GABRB2: variants seen among roughly 807,000 people sequenced by gnomAD.
GABRB2 encodes gamma-aminobutyric acid type A receptor subunit beta2, also known as gamma-aminobutyric acid receptor subunit beta-2.
A neutral mutation model predicts 54.7 loss-of-function variants in GABRB2; 16 were observed. The ratio of observed to expected loss-of-function variants is 0.29; its 90% CI spans 0.20 to 0.44. The LOEUF is 0.44. Among genes scored for constraint, GABRB2 ranks in the 20% least tolerant of loss-of-function variants. The probability of loss-of-function intolerance (pLI) is 1.00; values close to 1 mark genes in which losing one functional copy is unlikely to be tolerated. For synonymous variants in GABRB2, 244 were observed against 233.8 expected, an observed-to-expected ratio of 1.04 and a Z score of -0.40; for missense variants, 355 against 644.0, an observed-to-expected ratio of 0.55 and a Z score of 4.86.
chr5:161,405,499 C>A (rs1192566336), intron 5 of GABRB2, among the ~76,000 whole-genome samples: 1 of 151,978 alleles, frequency 6.6e-6, no homozygotes, highest in East Asian at 1.9e-4. Flanking sequence ...GCTAAGTGAC[C>A]TGTTTAGCTA....
chr5:161,535,416 A>T (rs986484529), intron 3 of GABRB2, among the ~76,000 whole-genome samples: 3 of 152,160 alleles, frequency 2.0e-5, no homozygotes, highest in Non-Finnish European at 4.4e-5. Context: ...TTGAGGAAGG[A>T]TTAGTTTATT....
chr5:161,341,664 C>G (rs554904953), intron 5 of GABRB2, among the ~76,000 whole-genome samples: 1 of 151,510 alleles, frequency 6.6e-6, no homozygotes, highest in Non-Finnish European at 1.5e-5. Context: ...TATATGTGAT[C>G]TAAGAAATAG....
At chr5:161,507,225 T>TA (rs1759633257) in intron 3 of GABRB2, among the ~76,000 whole-genome samples, 1 of 151,988 alleles carries the variant, frequency 6.6e-6, no homozygotes. Flanking sequence ...CTGGATAGGG[T>TA]ACTGGATTGG....
chr5:161,545,125 C>T lies in GABRB2; in HGVS notation c.237+102G>A, dbSNP rs566610156. The T allele has an allele frequency of 9.1e-6, 7 of 770,752 alleles. No individual in the cohort carries two copies. In the East Asian group the frequency reaches 2.1e-4, roughly 23 times the overall value. The allele number at this position is 770,752 out of a possible 1,614,324, so 47.7% of individuals were successfully genotyped here. On this transcript the variant is annotated intron_variant, in intron 3 of 9. Transcript: ENST00000393959. ...TCCATGCTCTCACCCCCACCTCATA[C>T]ACATAGCCAAGCACACCCCCACCCC...
chr5:161,534,871 T>C (rs371013837), intron 3 of GABRB2, among the ~76,000 whole-genome samples: 1 of 152,078 alleles, frequency 6.6e-6, no homozygotes, highest in Non-Finnish European at 1.5e-5. Flanking sequence ...TCAGTAAGCA[T>C]AAAAATTCAT....
chr5:161,525,427 A>C (rs1049794131), intron 3 of GABRB2, among the ~76,000 whole-genome samples: 2 of 151,356 alleles, frequency 1.3e-5, no homozygotes, highest in African/African-American at 4.8e-5. Context: ...TTCAATTGTA[A>C]TTTAGTAAGC....
intron 9 of GABRB2, among the ~76,000 whole-genome samples, chr5:161,312,609 C>T (rs1025385864): frequency 6.6e-6 from 1 of 152,170 alleles, no homozygotes; most frequent in Non-Finnish European, 1.5e-5. Context: ...TTACTTTTCT[C>T]TGGGCCTCAA....
intron 4 of GABRB2, among the ~76,000 whole-genome samples, chr5:161,414,054 G>C (rs1306807027): frequency 6.6e-6 from 1 of 152,150 alleles, no homozygotes; most frequent in Non-Finnish European, 1.5e-5. Flanking sequence ...TTCCTATTTA[G>C]TCCAGCATTT....
chr5:161,467,466 A>T (rs955794260), intron 3 of GABRB2, among the ~76,000 whole-genome samples: 2 of 152,128 alleles, frequency 1.3e-5, no homozygotes, highest in African/African-American at 4.8e-5. Context: ...GGAAACTACA[A>T]GAGCAAGTGT....
chr5:161,488,936 A>C (rs918068551), intron 3 of GABRB2, among the ~76,000 whole-genome samples: 7 of 151,790 alleles, frequency 4.6e-5, no homozygotes, highest in African/African-American at 1.7e-4. Context: ...ATGATTTTTT[A>C]CATTATGTTA....
intron 4 of GABRB2, among the ~76,000 whole-genome samples, chr5:161,455,128 G>T (rs1003925254): frequency 6.6e-6 from 1 of 152,194 alleles, no homozygotes; most frequent in Non-Finnish European, 1.5e-5. Context: ...TGGTGTGCAT[G>T]CTTAAATTTC....
intron 4 of GABRB2, among the ~76,000 whole-genome samples, chr5:161,443,890 T>C (rs1757535663): frequency 1.3e-5 from 2 of 152,144 alleles, no homozygotes; most frequent in African/African-American, 4.8e-5. Context: ...ATCATCTTAG[T>C]GTATCAGTAA....
chr5:161,324,753 G>T (rs1056974500), intron 9 of GABRB2, among the ~76,000 whole-genome samples: 3 of 151,924 alleles, frequency 2.0e-5, no homozygotes, highest in African/African-American at 7.2e-5. Context: ...CTTAAAAGAG[G>T]ACTTAAAGGA....
At chr5:161,414,706 A>C (rs979693601) in intron 4 of GABRB2, among the ~76,000 whole-genome samples, 11 of 151,968 alleles carry the variant, frequency 7.2e-5, no homozygotes, top group African/African-American at 1.2e-4. Flanking sequence ...TACCTGGCAC[A>C]TGCTACCAAC....
intron 9 of GABRB2, among the ~76,000 whole-genome samples, chr5:161,311,647 T>A (rs1336272445): frequency 6.6e-6 from 1 of 152,224 alleles, no homozygotes; most frequent in African/African-American, 2.4e-5. Context: ...TCTGAGTTGG[T>A]ACTTCAGGTA....
chr5:161,537,202 A>G (rs1231191085), intron 3 of GABRB2, among the ~76,000 whole-genome samples: 1 of 152,156 alleles, frequency 6.6e-6, no homozygotes, highest in East Asian at 1.9e-4. Context: ...TCCACTATCT[A>G]AAATACGGGG....
chr5:161,370,784 C>T (rs1043901728), intron 5 of GABRB2, among the ~76,000 whole-genome samples: 7 of 152,200 alleles, frequency 4.6e-5, no homozygotes, highest in African/African-American at 7.2e-5. Context: ...TATTACTCAC[C>T]GGAAAATTTA....
In GABRB2 at chr5:161,543,024, T is replaced by C. The variant is rs557174102; in HGVS notation, c.237+2203A>G. 5.9e-5 allele frequency among the ~76,000 whole-genome samples: 9 copies of C among 152,356 alleles called. No individual in the cohort carries two copies. The South Asian group carries it at 6.2e-4, about 11-fold the overall frequency. On this transcript the variant is annotated intron_variant, in intron 3 of 9. Transcript: ENST00000393959. ...TTAAGGTTGGAAGCTGAAAAAAATGTTAATTTTTCAACAAGTGACAATCTA... is the reference window on the plus strand; with the variant it reads ...TTAAGGTTGGAAGCTGAAAAAAATGCTAATTTTTCAACAAGTGACAATCTA...
intron 4 of GABRB2, among the ~76,000 whole-genome samples, chr5:161,415,068 A>G (rs1756624774): frequency 6.6e-6 from 1 of 152,220 alleles, no homozygotes; most frequent in Admixed American, 6.5e-5. Flanking sequence ...CTGAGTCATG[A>G]CAAACATGCT....
Sources: gnomAD v4.1 joint callset for allele counts (sites outside exome capture counted in the v4.1 genomes callset) on GRCh38, gnomAD v4.1.1 for gene constraint, MANE v1.5 for transcripts, NCBI Gene and HGNC (gene_info 2026-07-23, HGNC 2026-07-21) for gene names.